SGCZ: variants seen among roughly 807,000 people sequenced by gnomAD.
SGCZ encodes sarcoglycan zeta.
SGCZ carries 40 observed loss-of-function variants against 41.3 expected under a neutral mutation model. The ratio of observed to expected loss-of-function variants is 0.97; its 90% CI spans 0.75 to 1.26. SGCZ has a LOEUF of 1.26. Among genes scored for constraint, SGCZ ranks in the 50% most tolerant of loss-of-function variants. The pLI, the probability that SGCZ is intolerant of heterozygous loss-of-function variation, is 0.00. For missense variants in SGCZ, 552 were observed against 369.8 expected (o/e 1.49, Z -4.04); for synonymous variants, 206 against 137.5 (o/e 1.50, Z -3.49).
chr8:14,392,681 TC>T, intron 2 of SGCZ, among the ~76,000 whole-genome samples: 1 of 152,238 alleles, frequency 6.6e-6, no homozygotes, highest in Non-Finnish European at 1.5e-5. Context: ...GAATACTATA[TC>T]CATATAAAAA....
chr8:14,450,911 G>GAA (rs1800574692), intron 2 of SGCZ, among the ~76,000 whole-genome samples: 1 of 152,214 alleles, frequency 6.6e-6, no homozygotes, highest in East Asian at 1.9e-4. Flanking sequence ...AACATCCACT[G>GAA]AAATCATCTT....
chr8:14,579,876 A>G (rs937772052), intron 1 of SGCZ, among the ~76,000 whole-genome samples: 1 of 152,212 alleles, frequency 6.6e-6, no homozygotes, highest in African/African-American at 2.4e-5. Context: ...AAAAATCCTT[A>G]TAAGTTCCCC....
At chr8:14,101,924 G>GAGTCTCT (rs1802034234) in intron 7 of SGCZ, among the ~76,000 whole-genome samples, 1 of 151,484 alleles carries the variant, frequency 6.6e-6, no homozygotes, top group Non-Finnish European at 1.5e-5. Context: ...ACGGAGTCTC[G>GAGTCTCT]CTCTGTCGCC....
intron 1 of SGCZ, among the ~76,000 whole-genome samples, chr8:14,944,138 A>G (rs1218611194): frequency 6.6e-6 from 1 of 152,122 alleles, no homozygotes; most frequent in African/African-American, 2.4e-5. Flanking sequence ...CTTCATTCGA[A>G]TCATATAGGC....
intron 1 of SGCZ, among the ~76,000 whole-genome samples, chr8:15,167,753 A>G (rs1388734399): frequency 3.9e-5 from 6 of 152,114 alleles, no homozygotes; most frequent in Non-Finnish European, 1.5e-5. Context: ...TTCTAAACTC[A>G]CTAGTTGTCT....
chr8:14,430,730 A>T (rs575757007), intron 2 of SGCZ, among the ~76,000 whole-genome samples: 1 of 152,340 alleles, frequency 6.6e-6, no homozygotes, highest in African/African-American at 2.4e-5. Context: ...AAGGGCATCC[A>T]AATCGGAAAA....
At chr8:14,756,039 C>G (rs559013673) in intron 1 of SGCZ, among the ~76,000 whole-genome samples, 2 of 152,074 alleles carry the variant, frequency 1.3e-5, no homozygotes, top group East Asian at 1.9e-4. Flanking sequence ...CAAACTGTGC[C>G]TCGCCACTCA....
intron 3 of SGCZ, among the ~76,000 whole-genome samples, chr8:14,290,586 G>A (rs1045819693): frequency 6.6e-6 from 1 of 151,988 alleles, no homozygotes; most frequent in African/African-American, 2.4e-5. Flanking sequence ...TGAAAAAAAT[G>A]CTCAACATCA....
intron 1 of SGCZ, among the ~76,000 whole-genome samples, chr8:14,758,059 A>C (rs1799746782): frequency 6.6e-6 from 1 of 152,188 alleles, no homozygotes; most frequent in African/African-American, 2.4e-5. Context: ...CATTTCCAGT[A>C]ACTTTTTAAA....
At chr8:14,311,486 C>A (rs1360004322) in intron 3 of SGCZ, among the ~76,000 whole-genome samples, 1 of 152,134 alleles carries the variant, frequency 6.6e-6, no homozygotes, top group Non-Finnish European at 1.5e-5. Flanking sequence ...CCATAAAGCC[C>A]AGAAAATTCA....
intron 1 of SGCZ, among the ~76,000 whole-genome samples, chr8:15,141,720 G>A (rs1001836050): frequency 3.3e-5 from 5 of 152,130 alleles, no homozygotes; most frequent in Non-Finnish European, 5.9e-5. Context: ...TGGCTAACAC[G>A]GTGAAACCCC....
chr8:15,072,899 C>G (rs1805405572), intron 1 of SGCZ, among the ~76,000 whole-genome samples: 1 of 152,110 alleles, frequency 6.6e-6, no homozygotes, highest in Non-Finnish European at 1.5e-5. Flanking sequence ...TCTCTAGGGT[C>G]CAGAAAGAGT....
At chr8:14,931,894 T>C (rs1008028337) in intron 1 of SGCZ, among the ~76,000 whole-genome samples, 15 of 151,984 alleles carry the variant, frequency 9.9e-5, no homozygotes, top group South Asian at 4.1e-4. Flanking sequence ...TGAATCCACC[T>C]GAAACATTAT....
chr8:14,939,603 G>C (rs935716655), intron 1 of SGCZ, among the ~76,000 whole-genome samples: 1 of 152,124 alleles, frequency 6.6e-6, no homozygotes, highest in Admixed American at 6.6e-5. Flanking sequence ...AAATGAAAAA[G>C]AGAGTGGATG....
intron 2 of SGCZ, among the ~76,000 whole-genome samples, chr8:14,452,041 C>A (rs1192148523): frequency 1.3e-5 from 2 of 152,176 alleles, no homozygotes; most frequent in African/African-American, 4.8e-5. Context: ...ATACTTATAA[C>A]AGCTTTATTC....
At chr8:15,148,392 T>A (rs765736964) in intron 1 of SGCZ, among the ~76,000 whole-genome samples, 3 of 152,166 alleles carry the variant, frequency 2.0e-5, no homozygotes, top group Non-Finnish European at 4.4e-5. Context: ...TGATTTTTGC[T>A]CATTTGCTGC....
chr8:14,880,670 G>A (rs7845351), intron 1 of SGCZ, among the ~76,000 whole-genome samples: 6,467 of 152,156 alleles, frequency 0.043, 189 homozygotes, highest in South Asian at 0.08. Context: ...GGATGAAGCT[G>A]GAAACCATCA....
At chr8:14,206,744 T>G (rs1047290304) in intron 4 of SGCZ, among the ~76,000 whole-genome samples, 16 of 152,196 alleles carry the variant, frequency 1.1e-4, no homozygotes, top group African/African-American at 3.4e-4. Flanking sequence ...ACCCCCTAAA[T>G]TACCTGCTGT....
chr8:14,530,648 T>C (rs574563370), intron 2 of SGCZ, among the ~76,000 whole-genome samples: 27 of 151,162 alleles, frequency 1.8e-4, no homozygotes, highest in African/African-American at 6.6e-4. Context: ...AAAAACCAGT[T>C]AAATGACTTC....
Sources: allele counts gnomAD v4.1 joint callset (sites outside exome capture counted in the v4.1 genomes callset), GRCh38; gene constraint gnomAD v4.1.1; transcripts MANE v1.5; gene names NCBI Gene and HGNC (gene_info 2026-07-23, HGNC 2026-07-21).